Variants in FRMPD4 observed in about 807,000 individuals in gnomAD.
FRMPD4 encodes the protein FERM and PDZ domain containing 4.
A neutral mutation model predicts 94.1 loss-of-function variants in FRMPD4; 22 were observed. The ratio of observed to expected loss-of-function variants is 0.23; its 90% confidence interval spans 0.17 to 0.33. The LOEUF is 0.33. Among genes scored for constraint, FRMPD4 ranks in the 10% least tolerant of loss-of-function variants. The pLI is 1.00. For missense variants in FRMPD4, 1,111 were observed against 1,339.9 expected (o/e 0.83, Z 2.67); for synonymous variants, 631 against 548.6 (o/e 1.15, Z -2.10).
chrX:12,582,968 T>TG (rs1448979454), intron 2 of FRMPD4, among the ~76,000 whole-genome samples: 1 of 112,318 alleles, frequency 8.9e-6, no homozygotes. Flanking sequence ...TCTATGCCTT[T>TG]GCTTGCAACT....
At chrX:12,129,645 C>T (rs1038541168) in intron 3 of FRMPD4, among the ~76,000 whole-genome samples, 1 of 111,838 alleles carries the variant, frequency 8.9e-6, no homozygotes, top group Non-Finnish European at 1.9e-5. Context: ...TGCTCAGACC[C>T]ATGGACATTG....
At position 12,723,196 on chromosome X, in the gene FRMPD4, C is replaced by T. The variant is rs2042271635; in HGVS notation, c.*1338C>T. The T allele has an allele frequency of 9.0e-6, 1 of 111,462 alleles. No homozygotes were observed. Among genetic ancestry groups the T allele is most frequent in the African/African-American group, 3.3e-5 (1 of 30,625 alleles). The allele number at this position is 111,462 out of a possible 1,213,427, so 9.2% of individuals were successfully genotyped here. On this transcript the variant is annotated 3_prime_UTR_variant, in exon 17 of 17. Coordinates refer to ENST00000675598, the MANE Select transcript of FRMPD4 (RefSeq NM_001368397.1). ...AAACCAATGGAATGCAAAGAACTTT[C>T]CAGGACTGTCACATCTCTAAAAGTA...
chrX:12,162,015 T>G (rs2147621293), intron 1 of FRMPD4, among the ~76,000 whole-genome samples: 1 of 111,721 alleles, frequency 9.0e-6, no homozygotes, highest in South Asian at 3.8e-4. Flanking sequence ...CATACGGCCT[T>G]TGTACATTTT....
At chrX:11,876,066 G>T (rs1430648679) in intron 2 of FRMPD4, among the ~76,000 whole-genome samples, 4 of 108,205 alleles carry the variant, frequency 3.7e-5, no homozygotes, top group Non-Finnish European at 1.9e-5. Context: ...AGTAGAGACG[G>T]GGTTTCACTG....
At chrX:12,084,166 G>A (rs6640886) in intron 3 of FRMPD4, among the ~76,000 whole-genome samples, 4,974 of 79,868 alleles carry the variant, frequency 0.062, 229 homozygotes, top group East Asian at 0.24. Flanking sequence ...TGTGTTATGG[G>A]AGGGACCCAG....
chrX:12,061,240 G>A (rs945503873), intron 3 of FRMPD4, among the ~76,000 whole-genome samples: 2 of 111,761 alleles, frequency 1.8e-5, no homozygotes, highest in Non-Finnish European at 3.8e-5. Flanking sequence ...AAGGTCTGTT[G>A]TGCAGACTTG....
At chrX:12,231,111 A>G (rs889899383) in intron 1 of FRMPD4, among the ~76,000 whole-genome samples, 2 of 81,052 alleles carry the variant, frequency 2.5e-5, no homozygotes, top group African/African-American at 9.3e-5. Context: ...GTGCAGTGGT[A>G]TGGTCACGGC....
chrX:11,941,515 T>A (rs1221647942), intron 3 of FRMPD4, among the ~76,000 whole-genome samples: 1 of 111,976 alleles, frequency 8.9e-6, no homozygotes, highest in Non-Finnish European at 1.9e-5. Context: ...CTGTAGGTGC[T>A]TTGTACACAT....
chrX:12,503,105 G>A (rs986163633), intron 2 of FRMPD4, among the ~76,000 whole-genome samples: 3 of 112,058 alleles, frequency 2.7e-5, no homozygotes, highest in Admixed American at 1.9e-4. Context: ...CTTTGGTTTT[G>A]TAAATTACAG....
chrX:12,335,003 A>C (rs1348440290), intron 1 of FRMPD4, among the ~76,000 whole-genome samples: 4 of 111,901 alleles, frequency 3.6e-5, no homozygotes, highest in African/African-American at 1.3e-4. Flanking sequence ...ACTTTTTGAA[A>C]GTCAGGGTTC....
intron 3 of FRMPD4, among the ~76,000 whole-genome samples, chrX:12,078,275 G>A (rs5935236): frequency 0.073 from 8,228 of 112,040 alleles, 558 homozygotes; most frequent in African/African-American, 0.22. Context: ...GTTTTAAGGC[G>A]AAGTCTTATA....
At chrX:11,891,564 T>C (rs905718492) in intron 3 of FRMPD4, among the ~76,000 whole-genome samples, 4 of 112,019 alleles carry the variant, frequency 3.6e-5, no homozygotes, top group African/African-American at 9.7e-5. Context: ...CACCACAGGA[T>C]AGGTTAACAG....
chrX:12,202,428 A>G (rs2056641877), intron 1 of FRMPD4, among the ~76,000 whole-genome samples: 1 of 112,057 alleles, frequency 8.9e-6, no homozygotes, highest in South Asian at 3.7e-4. Context: ...TCGGAATAAC[A>G]TCACCTATAA....
chrX:11,969,623 G>A (rs756287450), intron 3 of FRMPD4, among the ~76,000 whole-genome samples: 7 of 111,959 alleles, frequency 6.3e-5, no homozygotes, highest in Non-Finnish European at 1.1e-4. Flanking sequence ...CAAAGTGTTA[G>A]GCGCCTAAGG....
chrX:12,212,168 C>T (rs1033509984), intron 1 of FRMPD4, among the ~76,000 whole-genome samples: 5 of 110,584 alleles, frequency 4.5e-5, no homozygotes, highest in Non-Finnish European at 9.5e-5. Flanking sequence ...CTCTCTGTTG[C>T]ATATTTGTCC....
intron 4 of FRMPD4, among the ~76,000 whole-genome samples, chrX:12,673,046 G>A (rs1193004358): frequency 3.6e-5 from 4 of 111,390 alleles, no homozygotes; most frequent in African/African-American, 9.8e-5. Flanking sequence ...AACTCTCTTA[G>A]TCTCTGTGTC....
chrX:11,897,007 T>C (rs1422057369), intron 3 of FRMPD4, among the ~76,000 whole-genome samples: 2 of 110,457 alleles, frequency 1.8e-5, no homozygotes, highest in Non-Finnish European at 3.8e-5. Flanking sequence ...TGTTTGGGGG[T>C]TTGGAAGCTG....
intron 2 of FRMPD4, among the ~76,000 whole-genome samples, chrX:12,510,277 T>C (rs1602049184): frequency 8.9e-6 from 1 of 112,329 alleles, no homozygotes; most frequent in Admixed American, 9.4e-5. Context: ...GGACATTAGG[T>C]AAAACCTAAA....
chrX:11,842,901 TTATTATTTTGAGATACATCCCATCAA>T (rs1184202111), intron 1 of FRMPD4, among the ~76,000 whole-genome samples: 1 of 110,025 alleles, frequency 9.1e-6, no homozygotes, highest in Non-Finnish European at 1.9e-5. Flanking sequence ...TAGATAGCTC[TTATTATTTTGAGATACATCCCATCAA>T]TACCTAATTT....
Sources: gnomAD v4.1 joint callset for allele counts (sites outside exome capture counted in the v4.1 genomes callset) on GRCh38, gnomAD v4.1.1 for gene constraint, MANE v1.5 for transcripts, NCBI Gene and HGNC (gene_info 2026-07-23, HGNC 2026-07-21) for gene names.